The following ZDHHC17 variants were observed in gnomAD, a reference collection of about 807,000 sequenced individuals.
ZDHHC17 encodes the protein palmitoyltransferase ZDHHC17.
ZDHHC17 carries 40 observed loss-of-function variants against 90.3 expected under a neutral mutation model. The observed-to-expected ratio is 0.44, with a 90% CI of 0.34 to 0.58. ZDHHC17 has a LOEUF of 0.58. ZDHHC17 is among the 20% of genes least tolerant of loss of function. The pLI is 0.01. For missense variants in ZDHHC17, 614 were observed against 780.8 expected (o/e 0.79, Z 2.55); for synonymous variants, 235 against 252.4 (o/e 0.93, Z 0.65).
In ZDHHC17 at chr12:76,769,962, C is replaced by G. The variant is rs571630335; in HGVS notation, c.93+5633C>G. The stretch of plus-strand genomic sequence containing the variant: ...CTCAAAAGTATTTATTAAGAGTGGA[C>G]TGTGGAGTTGGTGGATATAAGAGTA... On this transcript the variant is annotated intron_variant, in intron 1 of 16. Coordinates refer to ENST00000426126, the MANE Select transcript of ZDHHC17 (RefSeq NM_015336.4). 2.0e-5 allele frequency among the ~76,000 whole-genome samples: 3 copies of G among 152,168 alleles called. No individual in the cohort carries two copies. The East Asian group carries it at 5.8e-4, about 29-fold the overall frequency.
chr12:76,800,988 A>G lies in ZDHHC17; in HGVS notation c.197+3451A>G, dbSNP rs547654937. 1.0e-4 allele frequency among the ~76,000 whole-genome samples: 15 copies of G among 148,546 alleles called. No individual in the cohort carries two copies. The South Asian group carries it at 3.0e-3, about 29-fold the overall frequency. ...TTGCCATCTCCGCCTACTGAGTTCA[A>G]GCAATTCTCCTGCCTCAGCCTCCTA... On this transcript the variant is annotated intron_variant, in intron 2 of 16. Coordinates refer to ENST00000426126, the MANE Select transcript of ZDHHC17 (RefSeq NM_015336.4).
chr12:76,836,891 A>G (rs1486077543), intron 10 of ZDHHC17, among the ~76,000 whole-genome samples: 1 of 152,194 alleles, frequency 6.6e-6, no homozygotes, highest in East Asian at 1.9e-4. Context: ...CCTTGTATCA[A>G]TATGTAGTGA....
At chr12:76,808,922 T>G (rs954874595) in intron 3 of ZDHHC17, 121 bp from the exon 4 acceptor site, 8 of 513,100 alleles carry the variant, frequency 1.6e-5, no homozygotes, top group African/African-American at 1.2e-4. Context: ...GATTATTTAT[T>G]TTCAAAGGTT....
intron 1 of ZDHHC17, among the ~76,000 whole-genome samples, chr12:76,768,857 C>G (rs1313557497): frequency 1.3e-5 from 2 of 152,146 alleles, no homozygotes; most frequent in Non-Finnish European, 2.9e-5. Flanking sequence ...GCTTTCATCT[C>G]TTTCTTTCTT....
chr12:76,790,703 C>G (rs1181213034), intron 1 of ZDHHC17, among the ~76,000 whole-genome samples: 1 of 152,156 alleles, frequency 6.6e-6, no homozygotes, highest in Non-Finnish European at 1.5e-5. Context: ...TTTGTTCAGT[C>G]TTTCCTGAAA....
chr12:76,843,396 C>T (rs188215208), intron 12 of ZDHHC17, among the ~76,000 whole-genome samples: 1 of 152,002 alleles, frequency 6.6e-6, no homozygotes, highest in African/African-American at 2.4e-5. Flanking sequence ...GACAACATGG[C>T]CTCTAAACAA....
At chr12:76,775,645 A>T (rs1364779161) in intron 1 of ZDHHC17, among the ~76,000 whole-genome samples, 1 of 152,212 alleles carries the variant, frequency 6.6e-6, no homozygotes, top group African/African-American at 2.4e-5. Flanking sequence ...AGTGGTACAT[A>T]CAATAATGGT....
chr12:76,793,100 C>G lies in ZDHHC17; in HGVS notation c.94-4334C>G, dbSNP rs1592469182. ...TGCTCTGAAGCTGAGCTTGCTGAACCTCTTTTGGTTATTAGTGTTGTCAGA... is the reference window on the plus strand; with the variant it reads ...TGCTCTGAAGCTGAGCTTGCTGAACGTCTTTTGGTTATTAGTGTTGTCAGA... On this transcript the variant is annotated intron_variant, in intron 1 of 16. Transcript: ENST00000426126. Among the ~76,000 whole-genome samples the G allele has an allele frequency of 2.0e-5, 3 of 152,320 alleles. 1 individual carries two copies. Among genetic ancestry groups the G allele is most frequent in the Admixed American group, 2.0e-4 (3 of 15,296 alleles).
At chr12:76,772,282 A>G (rs1248390385) in intron 1 of ZDHHC17, among the ~76,000 whole-genome samples, 2 of 152,122 alleles carry the variant, frequency 1.3e-5, no homozygotes, top group African/African-American at 4.8e-5. Flanking sequence ...TTTGTTTTTG[A>G]ATTTTTTGAA....
At chr12:76,775,765 T>A (rs987701053) in intron 1 of ZDHHC17, among the ~76,000 whole-genome samples, 4 of 152,120 alleles carry the variant, frequency 2.6e-5, no homozygotes, top group African/African-American at 7.2e-5. Context: ...CTTTACTTAC[T>A]TTCTTTCTGC....
intron 1 of ZDHHC17, among the ~76,000 whole-genome samples, chr12:76,790,477 G>A (rs755316385): frequency 8.5e-5 from 13 of 152,176 alleles, no homozygotes; most frequent in Non-Finnish European, 1.5e-4. Context: ...ACTTCAGCCT[G>A]GGTGACAGAG....
chr12:76,845,740 G>T lies in ZDHHC17; in HGVS notation c.1361G>T (p.Gly454Val). 2.5e-6 allele frequency: 4 copies of T among 1,611,226 alleles called. No individual in the cohort carries two copies. Among genetic ancestry groups the T allele is most frequent in the Non-Finnish European group, 3.4e-6 (4 of 1,178,178 alleles). The change falls in exon 13 of 17, where the codon GGT becomes GTT. Residue 454 changes from glycine to valine, a missense_variant. By Grantham distance (109) the Gly-to-Val change is moderately radical (BLOSUM62 -3). Coordinates refer to ENST00000426126, the MANE Select transcript of ZDHHC17 (RefSeq NM_015336.4). The part of the protein sequence containing the change: ...IRKPVRSKHC[G>V]VCNRCIAKFD... The stretch of plus-strand genomic sequence containing the variant: ...AAACCGGTGAGGTCCAAACATTGTG[G>T]TGTGTGCAACCGCTGTATAGCAAAA...
intron 1 of ZDHHC17, among the ~76,000 whole-genome samples, chr12:76,781,874 C>T (rs1481468002): frequency 1.3e-5 from 2 of 152,130 alleles, no homozygotes; most frequent in South Asian, 2.1e-4. Context: ...ATAATGTTAA[C>T]TGAAAAATTC....
At chr12:76,842,183 G>A in intron 11 of ZDHHC17, 77 bp downstream of exon 11, 2 of 1,341,614 alleles carry the variant, frequency 1.5e-6, no homozygotes, top group Non-Finnish European at 1.9e-6. Flanking sequence ...AGAGGACAGA[G>A]GAATTAACTA....
At chr12:76,785,726 G>A (rs1952676948) in intron 1 of ZDHHC17, among the ~76,000 whole-genome samples, 1 of 152,178 alleles carries the variant, frequency 6.6e-6, no homozygotes, top group African/African-American at 2.4e-5. Flanking sequence ...GATGGGATGT[G>A]TCTTCTAAGT....
At chr12:76,787,664 C>T (rs952298328) in intron 1 of ZDHHC17, among the ~76,000 whole-genome samples, 8 of 152,010 alleles carry the variant, frequency 5.3e-5, no homozygotes, top group South Asian at 2.1e-4. Context: ...TGTGTGCGCG[C>T]GCAGGAGAGT....
intron 1 of ZDHHC17, among the ~76,000 whole-genome samples, chr12:76,796,217 ATTG>A (rs773937598): frequency 2.0e-5 from 3 of 152,146 alleles, no homozygotes; most frequent in Non-Finnish European, 4.4e-5. Flanking sequence ...GAGAGCATAT[ATTG>A]TTCTAAGGAT....
rs1952515555 is a variant in ZDHHC17, at chr12:76,773,100, T to C, written c.93+8771T>C. Among the ~76,000 whole-genome samples the C allele has an allele frequency of 2.6e-5, 4 of 152,168 alleles. No homozygotes were observed. In the South Asian group the frequency reaches 8.3e-4, roughly 31 times the overall value. On this transcript the variant is annotated intron_variant, in intron 1 of 16. Transcript: ENST00000426126. Reference sequence around the variant, plus strand: ...CTTGAACTCCTGACCTCAGGTGATCTGTCTGCCTCGACGTCTCAAAGTACT... The same window carrying C: ...CTTGAACTCCTGACCTCAGGTGATCCGTCTGCCTCGACGTCTCAAAGTACT...
At chr12:76,819,627 T>TA (rs1953135852) in intron 7 of ZDHHC17, among the ~76,000 whole-genome samples, 1 of 152,146 alleles carries the variant, frequency 6.6e-6, no homozygotes, top group South Asian at 2.1e-4. Flanking sequence ...CTTCACATAT[T>TA]AGTTACTCAG....
Sources: allele counts gnomAD v4.1 joint callset (sites outside exome capture counted in the v4.1 genomes callset), GRCh38; gene constraint gnomAD v4.1.1; transcripts MANE v1.5; gene names NCBI Gene and HGNC (gene_info 2026-07-23, HGNC 2026-07-21).